ROM1: variants seen among roughly 807,000 people sequenced by gnomAD.
ROM1 encodes the protein retinal outer segment membrane protein 1.
In ROM1, 17 loss-of-function variants were observed where a neutral mutation model predicts 23.0. That is an observed-to-expected ratio of 0.74 (90% CI 0.51 to 1.11). The LOEUF (loss-of-function observed/expected upper bound fraction) is 1.11, where lower values mean the gene tolerates loss of function less well. Ranked by LOEUF, ROM1 falls within the 50% of genes least tolerant of loss-of-function variation. The pLI, the probability that ROM1 is intolerant of heterozygous loss-of-function variation, is 0.00. For missense variants in ROM1, 436 were observed against 439.7 expected (o/e 0.99, Z 0.08); for synonymous variants, 200 against 206.5 (o/e 0.97, Z 0.27).
chr11:62,613,828 G>C lies in ROM1; in HGVS notation c.547G>C (p.Val183Leu). ...CAAGGATTGGTTTGGGGTCCAGTGG[G>C]TCAGCAGCCGTTACCTGGATCCCGG... ...GYKDWFGVQW[V>L]SSRYLDPGDR... The change falls in exon 1 of 3, where the codon GTC (valine) becomes CTC (leucine). Residue 183 changes from valine (V) to leucine (L), a missense_variant. Physicochemically the swap from Val to Leu is conservative, Grantham distance 32 (BLOSUM62 1). Transcript: ENST00000278833. 1 of 1,614,080 alleles carries C rather than the reference G, an allele frequency of 6.2e-7. No homozygotes were observed. The highest frequency in any genetic ancestry group is 8.5e-7 in the Non-Finnish European group (1 of 1,179,960).
rs144650228 is a variant in ROM1 at position 62,614,818 on chromosome 11, G to A, written c.1035G>A (p.Lys345=). 4.6e-5 allele frequency: 75 copies of A among 1,613,934 alleles called. No homozygotes were observed. Among genetic ancestry groups the A allele is most frequent in the Middle Eastern group, 3.3e-4 (2 of 6,040 alleles). ...CCCCACCAGGAGAAGCACCTCCCAA[G>A]GAGGATCTATCTGAGGCCTAGAGGC... is the stretch of plus-strand genomic sequence containing the variant. ...EEAPPGEAPP[K]EDLSEA Residue 345 remains lysine (K), a synonymous_variant, in exon 3 of 3, where the codon AAG becomes AAA. Transcript: ENST00000278833.
rs1036187889 is a variant in ROM1, at chr11:62,613,511, G to A, written c.230G>A (p.Gly77Glu). 49 of 1,613,736 alleles carry A rather than the reference G, an allele frequency of 3.0e-5. No homozygotes were observed. The highest frequency in any genetic ancestry group is 5.3e-5 in the African/African-American group (4 of 74,924). Residue 77 changes from glycine to glutamate, a missense_variant, in exon 1 of 3, where the codon GGA becomes GAA. Physicochemically the swap from Gly to Glu is moderately conservative, Grantham distance 98. Transcript: ENST00000278833. ...GCGGGCGCGGTGGCTCTGGGCACAG[G>A]ACTAGTGGGTGTAGGAGCCAGCCGG... ...LAAGAVALGT[G>E]LVGVGASRAS...
At position 62,614,423 on chromosome 11, in the gene ROM1, G is replaced by A; in HGVS notation, c.756G>A (p.Gly252=). The A allele has an allele frequency of 6.2e-7, 1 of 1,614,172 alleles. No homozygotes were observed. The highest frequency in any genetic ancestry group is 1.1e-5 in the South Asian group (1 of 91,080). ...RQPNQNLWAQ[G]CHEVLLEHLQ... Reference sequence around the variant, plus strand: ...CCAACCAAAACCTCTGGGCCCAAGGGTGCCATGAGGTGCTGCTGGAGCACT... The same window carrying A: ...CCAACCAAAACCTCTGGGCCCAAGGATGCCATGAGGTGCTGCTGGAGCACT... Residue 252 remains glycine, a synonymous_variant, in exon 2 of 3, where the codon GGG becomes GGA. Coordinates refer to ENST00000278833, the MANE Select transcript of ROM1 (RefSeq NM_000327.4).
chr11:62,613,939 A>AT lies in ROM1; in HGVS notation c.590+69dup, dbSNP rs1345192022. On this transcript the variant is annotated intron_variant, in intron 1 of 2. Coordinates refer to ENST00000278833, the MANE Select transcript of ROM1 (RefSeq NM_000327.4). The stretch of plus-strand genomic sequence containing the variant: ...GACAGGCTCCCTCCTGCTGCCTTGA[A>AT]TCCCCACCTCGCTCAGAGGGGCAAT... The AT allele has an allele frequency of 1.6e-4, 257 of 1,608,798 alleles. 1 individual carries two copies. In the South Asian group the frequency reaches 2.5e-3, roughly 16 times the overall value.
chr11:62,613,745 C>A lies in ROM1; in HGVS notation c.464C>A (p.Ala155Asp). The A allele has an allele frequency of 6.2e-7, 1 of 1,614,174 alleles. No individual in the cohort carries two copies. Among genetic ancestry groups the A allele is most frequent in the South Asian group, 1.1e-5 (1 of 91,086 alleles). ...KDTEVPGHCQ[A>D]KRLVDELQLR... is the part of the protein sequence containing the mutation. ...ACAGAGGTGCCTGGGCACTGTCAGG[C>A]CAAAAGGCTGGTGGATGAGCTGCAA... The change falls in exon 1 of 3, where the codon GCC (alanine) becomes GAC (aspartate). Residue 155 changes from alanine (A) to aspartate (D), a missense_variant. Coordinates refer to ENST00000278833, the MANE Select transcript of ROM1 (RefSeq NM_000327.4).
chr11:62,613,683 G>A lies in ROM1; in HGVS notation c.402G>A (p.Glu134=), dbSNP rs1332005611. The change falls in exon 1 of 3, where the codon GAG becomes GAA. Residue 134 remains glutamate (E), a synonymous_variant. Coordinates refer to ENST00000278833, the MANE Select transcript of ROM1 (RefSeq NM_000327.4). ...CTGGGAGTCTGGATGAGGCGCTGGA[G>A]GAGGGCCTGGTGACTGCCTTGGCTC... ...ALPGSLDEAL[E]EGLVTALAHY... is the part of the protein sequence containing the mutation. 8.1e-6 allele frequency: 13 copies of A among 1,614,080 alleles called. No homozygotes were observed. The African/African-American group carries it at 1.6e-4, about 20-fold the overall frequency.
Position 62,614,621 on chromosome 11 carries a change from G to A in ROM1, c.838G>A (p.Ala280Thr), listed in dbSNP as rs1303300001. 2.5e-6 allele frequency: 4 copies of A among 1,614,098 alleles called. No homozygotes were observed. The highest frequency in any genetic ancestry group is 3.4e-6 in the Non-Finnish European group (4 of 1,180,040). The change falls in exon 3 of 3, where the codon GCT becomes ACT. Residue 280 changes from alanine (A) to threonine (T), a missense_variant and splice_region_variant. Ala to Thr is a moderately conservative substitution (Grantham distance 58). Coordinates refer to ENST00000278833, the MANE Select transcript of ROM1 (RefSeq NM_000327.4). Reference protein sequence around the residue: ...SMLAVTFLLQALVLLGLRYLQ... With the variant: ...SMLAVTFLLQTLVLLGLRYLQ... ...CTCTTTCCCCTTGCTTCCCCCACAG[G>A]CTCTGGTGCTCCTTGGCCTGCGGTA...
Position 62,614,429 on chromosome 11 carries a change from T to A in ROM1, c.762T>A (p.His254Gln). 1 of 1,614,130 alleles carries A rather than the reference T, an allele frequency of 6.2e-7. No individual in the cohort carries two copies. The highest frequency in any genetic ancestry group is 8.5e-7 in the Non-Finnish European group (1 of 1,180,002). The change falls in exon 2 of 3, where the codon CAT (histidine) becomes CAA (glutamine). Residue 254 changes from histidine to glutamine, a missense_variant. By Grantham distance (24) the His-to-Gln change is conservative. Transcript: ENST00000278833. ...AAAACCTCTGGGCCCAAGGGTGCCA[T>A]GAGGTGCTGCTGGAGCACTTGCAGG... is the stretch of plus-strand genomic sequence containing the variant. Reference protein sequence around the residue: ...PNQNLWAQGCHEVLLEHLQDL... With the variant: ...PNQNLWAQGCQEVLLEHLQDL...
rs1942995488 is a variant in ROM1 at position 62,615,055 on chromosome 11, A to C, written c.*216A>C. On this transcript the variant is annotated 3_prime_UTR_variant, in exon 3 of 3. Transcript: ENST00000278833. ...ACAGCAAAGAACAGAGTGATGGGAA[A>C]GTGACATGAGAAGGCCTGGAGGCTG... 1.7e-6 allele frequency: 1 copy of C among 585,008 alleles called. No individual in the cohort carries two copies. Among genetic ancestry groups the C allele is most frequent in the Non-Finnish European group, 3.0e-6 (1 of 328,728 alleles). 36.2% of individuals were successfully genotyped at this position (585,008 alleles called of 1,614,324 possible).
In ROM1 at chr11:62,613,301, T is replaced by G. The variant is rs1942930648; in HGVS notation, c.20T>G (p.Leu7Arg). The change falls in exon 1 of 3, where the codon CTG (leucine) becomes CGG (arginine). Residue 7 changes from leucine (L) to arginine (R), a missense_variant. By Grantham distance (102) the Leu-to-Arg change is moderately radical (BLOSUM62 -2). Coordinates refer to ENST00000278833, the MANE Select transcript of ROM1 (RefSeq NM_000327.4). MAPVLP[L>R]VLPLQPRIRL... is the part of the protein sequence containing the mutation. Reference sequence around the variant, plus strand: ...TGGGAGATGGCGCCGGTGTTGCCCCTGGTGCTGCCCCTGCAGCCCCGCATC... The same window carrying G: ...TGGGAGATGGCGCCGGTGTTGCCCCGGGTGCTGCCCCTGCAGCCCCGCATC... The G allele has an allele frequency of 6.2e-7, 1 of 1,608,684 alleles. No individual in the cohort carries two copies. Among genetic ancestry groups the G allele is most frequent in the African/African-American group, 1.3e-5 (1 of 74,874 alleles).
At position 62,613,451 on chromosome 11, in the gene ROM1, G is replaced by T. The variant is rs765594438; in HGVS notation, c.170G>T (p.Cys57Phe). ...CTTGGCACCTTCCTGGCTCCCTCCT[G>T]TCAGTTCCCTGTCCTGCCCCAGGCT... ...RHLGTFLAPS[C>F]QFPVLPQAAL... The change falls in exon 1 of 3, where the codon TGT becomes TTT. Residue 57 changes from cysteine (C) to phenylalanine (F), a missense_variant. By Grantham distance (205) the Cys-to-Phe change is radical. Coordinates refer to ENST00000278833, the MANE Select transcript of ROM1 (RefSeq NM_000327.4). 3 of 1,612,988 alleles carry T rather than the reference G, an allele frequency of 1.9e-6. No individual in the cohort carries two copies. The highest frequency in any genetic ancestry group is 2.7e-5 in the African/African-American group (2 of 74,914).
rs149542418 is a variant in ROM1 at position 62,613,311 on chromosome 11, C to T, written c.30C>T (p.Pro10=). Residue 10 remains proline, a synonymous_variant, in exon 1 of 3, where the codon CCC becomes CCT. Transcript: ENST00000278833. MAPVLPLVL[P]LQPRIRLAQG... is the part of the protein sequence containing the mutation. ...CGCCGGTGTTGCCCCTGGTGCTGCCCCTGCAGCCCCGCATCCGCCTGGCAC... is the reference window on the plus strand; with the variant it reads ...CGCCGGTGTTGCCCCTGGTGCTGCCTCTGCAGCCCCGCATCCGCCTGGCAC... 3.2e-5 allele frequency: 51 copies of T among 1,610,322 alleles called. No individual in the cohort carries two copies. Among genetic ancestry groups the T allele is most frequent in the Non-Finnish European group, 4.2e-5 (49 of 1,179,224 alleles).
At position 62,614,462 on chromosome 11, in the gene ROM1, A is replaced by G; in HGVS notation, c.795A>G (p.Ala265=). The change falls in exon 2 of 3, where the codon GCA becomes GCG. Residue 265 remains alanine (A), a synonymous_variant. Transcript: ENST00000278833. ...TGCTGGAGCACTTGCAGGACTTGGC[A>G]GGCACACTGGGTAGCATGCTGGCTG... ...EVLLEHLQDL[A]GTLGSMLAVT... 6.2e-7 allele frequency: 1 copy of G among 1,614,154 alleles called. No homozygotes were observed. The highest frequency in any genetic ancestry group is 8.5e-7 in the Non-Finnish European group (1 of 1,180,018).
In ROM1 at chr11:62,614,397, C is replaced by A; in HGVS notation, c.730C>A (p.Pro244Thr). ...YAHPLFDPRQ[P>T]NQNLWAQGCH... ...CCACCCCCTGTTCGATCCCCGACAA[C>A]CCAACCAAAACCTCTGGGCCCAAGG... Residue 244 changes from proline to threonine, a missense_variant, in exon 2 of 3, where the codon CCC (proline) becomes ACC (threonine). Pro to Thr is a conservative substitution (Grantham distance 38, BLOSUM62 -1). Transcript: ENST00000278833. 6.2e-7 allele frequency: 1 copy of A among 1,614,208 alleles called. No individual in the cohort carries two copies. Among genetic ancestry groups the A allele is most frequent in the Middle Eastern group, 1.6e-4 (1 of 6,062 alleles).
At chr11:62,614,202 C>T (rs965160180) in intron 1 of ROM1, 56 bp from the exon 2 acceptor site, 50 of 1,605,164 alleles carry the variant, frequency 3.1e-5, no homozygotes, top group Non-Finnish European at 3.8e-5. Flanking sequence ...CCCTTCAGTC[C>T]CTCCCCCAGG....
Position 62,613,484 on chromosome 11 carries a change from C to T in ROM1, c.203C>T (p.Ala68Val), listed in dbSNP as rs1215991996. The change falls in exon 1 of 3, where the codon GCA (alanine) becomes GTA (valine). Residue 68 changes from alanine to valine, a missense_variant. Physicochemically the swap from Ala to Val is moderately conservative, Grantham distance 64. Coordinates refer to ENST00000278833, the MANE Select transcript of ROM1 (RefSeq NM_000327.4). ...QFPVLPQAAL[A>V]AGAVALGTGL... The stretch of plus-strand genomic sequence containing the variant: ...CCTGTCCTGCCCCAGGCTGCCCTGG[C>T]AGCGGGCGCGGTGGCTCTGGGCACA... 2 of 1,613,560 alleles carry T rather than the reference C, an allele frequency of 1.2e-6. No individual in the cohort carries two copies. The highest frequency in any genetic ancestry group is 1.1e-5 in the South Asian group (1 of 91,016).
chr11:62,615,099 T>TA lies in ROM1; in HGVS notation c.*263dup, dbSNP rs1394057716. The TA allele has an allele frequency of 3.9e-5, 20 of 517,610 alleles. No homozygotes were observed. The East Asian group carries it at 6.7e-4, about 17-fold the overall frequency. The allele number at this position is 517,610 out of a possible 1,614,324, so 32.1% of individuals were successfully genotyped here. A position where few individuals can be genotyped will look rare whatever the true frequency, so the allele number is the denominator to read the frequency against. On this transcript the variant is annotated 3_prime_UTR_variant, in exon 3 of 3. Coordinates refer to ENST00000278833, the MANE Select transcript of ROM1 (RefSeq NM_000327.4). ...GAGGCTGATTCTGATATAGACTCAA[T>TA]AAAGTTTTTGGATGGAAGCAATTGC...
Position 62,614,460 on chromosome 11 carries a change from G to A in ROM1, c.793G>A (p.Ala265Thr), listed in dbSNP as rs200272942. The A allele has an allele frequency of 2.9e-4, 468 of 1,614,048 alleles. No individual in the cohort carries two copies. The highest frequency in any genetic ancestry group is 3.6e-4 in the Non-Finnish European group (426 of 1,180,044). Residue 265 changes from alanine to threonine, a missense_variant, in exon 2 of 3, where the codon GCA (alanine) becomes ACA (threonine). Coordinates refer to ENST00000278833, the MANE Select transcript of ROM1 (RefSeq NM_000327.4). ...GCTGCTGGAGCACTTGCAGGACTTG[G>A]CAGGCACACTGGGTAGCATGCTGGC... ...EVLLEHLQDL[A>T]GTLGSMLAVT...
In ROM1 at chr11:62,613,625, T is replaced by C. The variant is rs746019179; in HGVS notation, c.344T>C (p.Leu115Pro). 5 of 1,612,970 alleles carry C rather than the reference T, an allele frequency of 3.1e-6. No homozygotes were observed. The highest frequency in any genetic ancestry group is 3.4e-6 in the Non-Finnish European group (4 of 1,179,588). ...GGCACGGCTGGTGGGGGGGGGCTCC[T>C]GGTCGTCGGCCTCGGGCTAGCCCTG... The part of the protein sequence containing the change: ...VAGTAGGGGL[L>P]VVGLGLALAL... Residue 115 changes from leucine (L) to proline (P), a missense_variant, in exon 1 of 3, where the codon CTG (leucine) becomes CCG (proline). Leu to Pro is a moderately conservative substitution (Grantham distance 98). Coordinates refer to ENST00000278833, the MANE Select transcript of ROM1 (RefSeq NM_000327.4).
Sources: gnomAD v4.1 joint callset for allele counts on GRCh38, gnomAD v4.1.1 for gene constraint, MANE v1.5 for transcripts, NCBI Gene and HGNC (gene_info 2026-07-23, HGNC 2026-07-21) for gene names.